GALNT13: variants seen among roughly 807,000 people sequenced by gnomAD.
GALNT13 encodes the protein UDP-GalNAc:polypeptide N-acetylgalactosaminyltransferase 13.
A neutral mutation model predicts 64.2 loss-of-function variants in GALNT13; 28 were observed. The observed-to-expected ratio is 0.44, with a 90% CI of 0.32 to 0.60. GALNT13 has a LOEUF of 0.60. Among genes scored for constraint, GALNT13 ranks in the 20% least tolerant of loss-of-function variants. GALNT13 has a pLI of 0.05. For synonymous variants in GALNT13, 214 were observed against 224.6 expected, an observed-to-expected ratio of 0.95 and a Z score of 0.42; for missense variants, 577 against 669.8, an observed-to-expected ratio of 0.86 and a Z score of 1.53.
the GALNT13 span, among the ~76,000 whole-genome samples, chr2:153,838,034 T>C: frequency 6.6e-6 from 1 of 152,108 alleles, no homozygotes; most frequent in East Asian, 1.9e-4. Context: ...CACCTTTTCA[T>C]ATACATGTTG....
chr2:153,915,359 A>G (rs1318010464), intron 2 of GALNT13, among the ~76,000 whole-genome samples: 1 of 152,168 alleles, frequency 6.6e-6, no homozygotes, highest in Non-Finnish European at 1.5e-5. Context: ...TTCCTCATAA[A>G]GAAGTTTATG....
At chr2:153,360,345 G>T in the GALNT13 span, among the ~76,000 whole-genome samples, 1 of 152,196 alleles carries the variant, frequency 6.6e-6, no homozygotes. Context: ...AAACCACAGA[G>T]CCACGCAGAT....
At chr2:154,112,935 T>G (rs1703069421) in intron 3 of GALNT13, among the ~76,000 whole-genome samples, 2 of 152,148 alleles carry the variant, frequency 1.3e-5, no homozygotes, top group African/African-American at 4.8e-5. Flanking sequence ...GTAACTTCCT[T>G]GTGCCTTCAG....
the GALNT13 span, among the ~76,000 whole-genome samples, chr2:153,198,821 C>G: frequency 6.6e-6 from 1 of 152,154 alleles, no homozygotes; most frequent in Admixed American, 6.5e-5. Context: ...ACAAATTCAG[C>G]TCCCTTATTT....
chr2:154,062,005 A>AT (rs1011719998), intron 3 of GALNT13, among the ~76,000 whole-genome samples: 1 of 151,732 alleles, frequency 6.6e-6, no homozygotes, highest in Non-Finnish European at 1.5e-5. Context: ...TCATACTTTC[A>AT]TTTTTTTTAA....
At chr2:153,390,310 G>T in the GALNT13 span, among the ~76,000 whole-genome samples, 1 of 151,994 alleles carries the variant, frequency 6.6e-6, no homozygotes, top group Non-Finnish European at 1.5e-5. Flanking sequence ...AGGGCCTGTC[G>T]GGAGGTGGGG....
the GALNT13 span, among the ~76,000 whole-genome samples, chr2:153,084,660 G>A: frequency 1.3e-5 from 2 of 152,170 alleles, no homozygotes; most frequent in African/African-American, 4.8e-5. Context: ...TGCACAAGCT[G>A]TCTTGTCTAC....
chr2:153,872,557 A>G (rs1276179787), intron 1 of GALNT13, among the ~76,000 whole-genome samples: 1 of 142,398 alleles, frequency 7.0e-6, no homozygotes, highest in Non-Finnish European at 1.5e-5. Flanking sequence ...GTGGCGCGGA[A>G]CTTTCTGCCG....
intron 8 of GALNT13, among the ~76,000 whole-genome samples, chr2:154,284,418 T>G (rs1304844257): frequency 5.9e-5 from 9 of 152,110 alleles, no homozygotes; most frequent in Non-Finnish European, 8.8e-5. Flanking sequence ...GTTCCATCCA[T>G]ATTATCACAA....
chr2:154,243,242 G>A (rs1406606277), intron 6 of GALNT13, among the ~76,000 whole-genome samples: 1 of 152,138 alleles, frequency 6.6e-6, no homozygotes, highest in African/African-American at 2.4e-5. Context: ...CACCCTGTGA[G>A]GTAGGTACTG....
intron 3 of GALNT13, among the ~76,000 whole-genome samples, chr2:153,953,413 C>G (rs1558872049): frequency 6.6e-6 from 1 of 151,918 alleles, no homozygotes; most frequent in African/African-American, 2.4e-5. Flanking sequence ...TAAATTCTCA[C>G]AAAAAAATCT....
At chr2:153,550,340 T>C in the GALNT13 span, among the ~76,000 whole-genome samples, 1 of 151,928 alleles carries the variant, frequency 6.6e-6, no homozygotes, top group Non-Finnish European at 1.5e-5. Context: ...GTTCAAGTGA[T>C]TCTCATGCCT....
At chr2:154,016,473 A>T (rs187069183) in intron 3 of GALNT13, among the ~76,000 whole-genome samples, 97 of 152,264 alleles carry the variant, frequency 6.4e-4, no homozygotes, top group Admixed American at 1.2e-3. Context: ...GCTGGAGTGC[A>T]GTGGTGCGAT....
At chr2:153,103,848 G>A in the GALNT13 span, among the ~76,000 whole-genome samples, 14,431 of 152,178 alleles carry the variant, frequency 0.095, 725 homozygotes, top group Middle Eastern at 0.2. Context: ...GAGAAATCTG[G>A]TCTCTACTGC....
At chr2:154,022,499 T>C (rs1202907479) in intron 3 of GALNT13, among the ~76,000 whole-genome samples, 1 of 152,246 alleles carries the variant, frequency 6.6e-6, no homozygotes, top group African/African-American at 2.4e-5. Context: ...GTTTATAGTA[T>C]TCTCTGACGG....
the GALNT13 span, among the ~76,000 whole-genome samples, chr2:153,459,766 G>A: frequency 6.6e-6 from 1 of 152,132 alleles, no homozygotes; most frequent in Non-Finnish European, 1.5e-5. Context: ...ATTTATAGAA[G>A]TTTTGCATAT....
At chr2:153,157,686 CT>C in the GALNT13 span, among the ~76,000 whole-genome samples, 3 of 152,058 alleles carry the variant, frequency 2.0e-5, no homozygotes, top group South Asian at 6.2e-4. Flanking sequence ...GTGTAATTTA[CT>C]TGGTTTCTTA....
intron 2 of GALNT13, among the ~76,000 whole-genome samples, chr2:153,901,512 G>C (rs957816031): frequency 6.6e-6 from 1 of 151,930 alleles, no homozygotes; most frequent in Non-Finnish European, 1.5e-5. Context: ...GTTTTGTTGA[G>C]AACTTTCTCC....
the GALNT13 span, among the ~76,000 whole-genome samples, chr2:153,807,037 G>A: frequency 2.0e-5 from 3 of 152,064 alleles, no homozygotes; most frequent in Non-Finnish European, 4.4e-5. Flanking sequence ...GAGGTAGCTG[G>A]CAATGTTCTT....
Sources: allele counts gnomAD v4.1 joint callset (sites outside exome capture counted in the v4.1 genomes callset), GRCh38; gene constraint gnomAD v4.1.1; transcripts MANE v1.5; gene names NCBI Gene and HGNC (gene_info 2026-07-23, HGNC 2026-07-21).